The following TCAIM variants were observed in gnomAD, a reference collection of about 807,000 sequenced individuals.
TCAIM encodes the protein T-cell activation inhibitor, mitochondrial.
A neutral mutation model predicts 58.6 loss-of-function variants in TCAIM; 36 were observed. The observed-to-expected ratio is 0.61, with a 90% confidence interval of 0.47 to 0.81. The LOEUF (loss-of-function observed/expected upper bound fraction) is 0.81. Ranked by LOEUF, TCAIM falls within the 30% of genes least tolerant of loss-of-function variation. TCAIM has a pLI of 0.00. For synonymous variants in TCAIM, 172 were observed against 193.6 expected, an observed-to-expected ratio of 0.89 and a Z score of 0.93; for missense variants, 466 against 579.6, an observed-to-expected ratio of 0.80 and a Z score of 2.01.
At chr3:44,359,045 C>T in intron 3 of TCAIM, 1 of 981,418 alleles carries the variant, frequency 1.0e-6, no homozygotes, top group Non-Finnish European at 1.2e-6. Flanking sequence ...AAAAATCAAG[C>T]TTAGTAATAC....
intron 1 of TCAIM, among the ~76,000 whole-genome samples, chr3:44,344,796 G>C (rs1700931097): frequency 6.6e-6 from 1 of 152,076 alleles, no homozygotes; most frequent in Non-Finnish European, 1.5e-5. Context: ...TATAGGATTT[G>C]GGTAGGTAGT....
At chr3:44,388,795 C>T (rs1294549647) in intron 5 of TCAIM, among the ~76,000 whole-genome samples, 1 of 152,140 alleles carries the variant, frequency 6.6e-6, no homozygotes, top group Admixed American at 6.5e-5. Context: ...CTTGAGTACT[C>T]CCTTACTTTC....
intron 4 of TCAIM, among the ~76,000 whole-genome samples, chr3:44,363,920 C>CTTTT (rs56361211): frequency 0.082 from 5,533 of 67,372 alleles, 702 homozygotes; most frequent in East Asian, 0.14. Context: ...GCAAGTCTGT[C>CTTTT]TTTTTTTTTT....
intron 5 of TCAIM, among the ~76,000 whole-genome samples, chr3:44,386,961 C>G (rs942382324): frequency 1.3e-5 from 2 of 152,350 alleles, no homozygotes; most frequent in South Asian, 4.1e-4. Flanking sequence ...CAGGTGAAGT[C>G]CATGGCCCAG....
At chr3:44,369,026 AAAAT>A (rs1172323124) in intron 5 of TCAIM, among the ~76,000 whole-genome samples, 2 of 152,174 alleles carry the variant, frequency 1.3e-5, no homozygotes, top group African/African-American at 4.8e-5. Flanking sequence ...CTGTCTCCAA[AAAAT>A]AATAAATAAA....
chr3:44,349,652 G>A (rs886878099), intron 1 of TCAIM, among the ~76,000 whole-genome samples: 11 of 151,618 alleles, frequency 7.3e-5, no homozygotes, highest in Admixed American at 5.3e-4. Context: ...TCAGGCAGGC[G>A]TCCCCACAGT....
intron 5 of TCAIM, among the ~76,000 whole-genome samples, chr3:44,378,938 T>C (rs1051269053): frequency 6.6e-6 from 1 of 151,922 alleles, no homozygotes; most frequent in Non-Finnish European, 1.5e-5. Flanking sequence ...GTGGGGAGAT[T>C]GCTTGAACTC....
At chr3:44,354,295 C>T (rs112480423) in intron 1 of TCAIM, among the ~76,000 whole-genome samples, 68 of 152,294 alleles carry the variant, frequency 4.5e-4, no homozygotes, top group Middle Eastern at 6.8e-3. Context: ...ACCAACACCG[C>T]GCTGTCTTGA....
chr3:44,372,481 C>A (rs1321992814), intron 5 of TCAIM, among the ~76,000 whole-genome samples: 1 of 152,068 alleles, frequency 6.6e-6, no homozygotes, highest in Non-Finnish European at 1.5e-5. Context: ...ATAAGGAACA[C>A]ATGCTGAATT....
intron 5 of TCAIM, among the ~76,000 whole-genome samples, chr3:44,389,545 T>A (rs1417986066): frequency 6.6e-6 from 1 of 152,174 alleles, no homozygotes; most frequent in African/African-American, 2.4e-5. Flanking sequence ...CTTACATAAT[T>A]TAAAGTAAGT....
intron 1 of TCAIM, among the ~76,000 whole-genome samples, chr3:44,347,490 A>T (rs1040523965): frequency 2.0e-5 from 3 of 152,202 alleles, no homozygotes; most frequent in South Asian, 2.1e-4. Flanking sequence ...AGTGCAGGGG[A>T]ATAGTGGAAA....
intron 8 of TCAIM, 136 bp from the exon 9 acceptor site, chr3:44,400,219 T>A: frequency 1.5e-6 from 1 of 672,162 alleles, no homozygotes; most frequent in Non-Finnish European, 2.4e-6. Context: ...AGTTTTTTTA[T>A]CTCTTACTTG....
intron 3 of TCAIM, chr3:44,358,406 A>T: frequency 3.2e-6 from 2 of 619,796 alleles, no homozygotes; most frequent in Non-Finnish European, 5.6e-6. Context: ...AGTCCTTCAT[A>T]TCCATGGGTT....
intron 1 of TCAIM, chr3:44,341,213 A>G (rs1417867416): frequency 6.6e-6 from 1 of 152,126 alleles, no homozygotes; most frequent in Non-Finnish European, 1.5e-5. Context: ...TTTCTCCCCT[A>G]TTGCTCTCTC....
chr3:44,361,795 CA>C (rs1228418410), intron 4 of TCAIM, among the ~76,000 whole-genome samples: 1 of 152,142 alleles, frequency 6.6e-6, no homozygotes, highest in Non-Finnish European at 1.5e-5. Flanking sequence ...CATGTCCAAA[CA>C]ATATGTATTT....
At chr3:44,347,878 G>C (rs1701001528) in intron 1 of TCAIM, among the ~76,000 whole-genome samples, 1 of 152,052 alleles carries the variant, frequency 6.6e-6, no homozygotes, top group South Asian at 2.1e-4. Context: ...GGATTAAGGT[G>C]GGGAGACACA....
intron 5 of TCAIM, among the ~76,000 whole-genome samples, chr3:44,379,819 C>T (rs1268893289): frequency 2.0e-5 from 3 of 152,006 alleles, no homozygotes; most frequent in Admixed American, 6.6e-5. Flanking sequence ...AACCCCAGCA[C>T]GTTACGTTAC....
intron 5 of TCAIM, among the ~76,000 whole-genome samples, chr3:44,373,908 G>A (rs942913792): frequency 3.3e-5 from 5 of 152,254 alleles, no homozygotes; most frequent in South Asian, 4.1e-4. Context: ...AATTCCATAT[G>A]AAATGTCTAT....
At chr3:44,371,903 C>G (rs1701476164) in intron 5 of TCAIM, among the ~76,000 whole-genome samples, 1 of 151,872 alleles carries the variant, frequency 6.6e-6, no homozygotes, top group South Asian at 2.1e-4. Context: ...CTGTGCAGAT[C>G]CACTCTTACA....
Sources: gnomAD v4.1 joint callset for allele counts (sites outside exome capture counted in the v4.1 genomes callset) on GRCh38, gnomAD v4.1.1 for gene constraint, MANE v1.5 for transcripts, NCBI Gene and HGNC (gene_info 2026-07-23, HGNC 2026-07-21) for gene names.